The following SLIT3 variants were observed in gnomAD, a reference collection of about 807,000 sequenced individuals.
The protein encoded by SLIT3 is slit guidance ligand 3.
In SLIT3, 68 loss-of-function variants were observed where a neutral mutation model predicts 184.0. The ratio of observed to expected loss-of-function variants is 0.37; its 90% CI spans 0.30 to 0.45. SLIT3 has a LOEUF of 0.45. Ranked by LOEUF, SLIT3 falls within the 20% of genes least tolerant of loss-of-function variation. The pLI, the probability that SLIT3 is intolerant of heterozygous loss-of-function variation, is 1.00. For missense variants in SLIT3, 1,707 were observed against 2,026.0 expected (o/e 0.84, Z 3.02); for synonymous variants, 831 against 828.6 (o/e 1.00, Z -0.05).
intron 4 of SLIT3, among the ~76,000 whole-genome samples, chr5:169,166,896 C>T (rs1034439918): frequency 3.9e-5 from 6 of 152,248 alleles, no homozygotes; most frequent in South Asian, 2.1e-4. Flanking sequence ...CCATGCACGG[C>T]GGCTCACGCC....
Position 169,300,900 on chromosome 5 carries a change from G to C in SLIT3, c.-191C>G, listed in dbSNP as rs1346231620. 3.2e-6 allele frequency: 1 copy of C among 314,426 alleles called. No homozygotes were observed. Among genetic ancestry groups the C allele is most frequent in the Non-Finnish European group, 5.4e-6 (1 of 183,644 alleles). 19.5% of individuals were successfully genotyped at this position (314,426 alleles called of 1,614,324 possible). A position where few individuals can be genotyped will look rare whatever the true frequency, so the allele number is the denominator to read the frequency against. ...GGCGCTCCGGGCGGCGGCGGCGGCA[G>C]CAACAGCAGCTCCATCGGCGGGGCC... On this transcript the variant is annotated 5_prime_UTR_variant, in exon 1 of 36. Coordinates refer to ENST00000519560, the MANE Select transcript of SLIT3 (RefSeq NM_003062.4). The surrounding 1 kb of genome is among the most constrained non-coding windows in gnomAD (Gnocchi z 4.1).
At chr5:169,265,697 T>C (rs1766372022) in intron 1 of SLIT3, among the ~76,000 whole-genome samples, 1 of 152,212 alleles carries the variant, frequency 6.6e-6, no homozygotes, top group African/African-American at 2.4e-5. Context: ...CCTCCTAGGA[T>C]ACTGCAAGAA....
chr5:169,115,263 C>A (rs1451100798), intron 4 of SLIT3, among the ~76,000 whole-genome samples: 4 of 152,120 alleles, frequency 2.6e-5, no homozygotes, highest in African/African-American at 9.7e-5. Flanking sequence ...AGCTTGGAAG[C>A]TTTTCTTCCC....
intron 5 of SLIT3, among the ~76,000 whole-genome samples, chr5:168,875,051 GGAAGAAAGGAAGGAAA>G (rs982169573): frequency 2.1e-5 from 3 of 143,144 alleles, no homozygotes; most frequent in Non-Finnish European, 4.7e-5. Context: ...AAGGAAGAGT[GGAAGAAAGGAAGGAAA>G]GAAGGGAGGA....
intron 4 of SLIT3, among the ~76,000 whole-genome samples, chr5:169,003,738 T>C (rs1209714511): frequency 6.6e-6 from 1 of 152,242 alleles, no homozygotes; most frequent in East Asian, 1.9e-4. Flanking sequence ...TCTCTTTTTT[T>C]CCTTAAGGCT....
chr5:168,877,090 G>A (rs1428973990), intron 5 of SLIT3, among the ~76,000 whole-genome samples: 1 of 152,196 alleles, frequency 6.6e-6, no homozygotes, highest in African/African-American at 2.4e-5. Context: ...GATTGAAACA[G>A]GCAGGATATC....
At chr5:169,226,887 T>C (rs1764831724) in intron 3 of SLIT3, among the ~76,000 whole-genome samples, 1 of 152,098 alleles carries the variant, frequency 6.6e-6, no homozygotes, top group Non-Finnish European at 1.5e-5. Flanking sequence ...GCGGGTATTT[T>C]AACATCTGCA....
intron 4 of SLIT3, among the ~76,000 whole-genome samples, chr5:168,948,387 T>C (rs557156826): frequency 3.3e-5 from 5 of 152,122 alleles, no homozygotes; most frequent in African/African-American, 1.2e-4. Flanking sequence ...TTAGGTGTCA[T>C]GTGATTTAGG....
At chr5:169,293,808 C>G (rs1200528094) in intron 1 of SLIT3, among the ~76,000 whole-genome samples, 1 of 152,216 alleles carries the variant, frequency 6.6e-6, no homozygotes. Context: ...GTACTGACAA[C>G]ACAACTATGA....
At chr5:168,748,542 C>A in intron 19 of SLIT3, 108 bp from the exon 20 acceptor site, 12 of 1,133,668 alleles carry the variant, frequency 1.1e-5, no homozygotes, top group Non-Finnish European at 7.1e-6. Context: ...TCCCCTGTCC[C>A]CGCTGTGTTC....
intron 5 of SLIT3, among the ~76,000 whole-genome samples, chr5:168,868,428 C>T (rs756261781): frequency 1.3e-5 from 2 of 152,134 alleles, no homozygotes; most frequent in African/African-American, 4.8e-5. Context: ...GCAGCTGGAA[C>T]TATAGGTTCA....
intron 4 of SLIT3, among the ~76,000 whole-genome samples, chr5:168,924,745 T>C (rs1052933116): frequency 1.3e-5 from 2 of 152,144 alleles, no homozygotes; most frequent in African/African-American, 2.4e-5. Flanking sequence ...ACTTCTGAGC[T>C]CAAGCAATCT....
At chr5:168,986,377 AC>A (rs755078396) in intron 4 of SLIT3, among the ~76,000 whole-genome samples, 3,559 of 151,222 alleles carry the variant, frequency 0.024, 57 homozygotes, top group Non-Finnish European at 0.035. Flanking sequence ...AAATATTTGG[AC>A]GGTGGCGCCC....
At chr5:169,081,983 C>T (rs1308395047) in intron 4 of SLIT3, among the ~76,000 whole-genome samples, 1 of 152,180 alleles carries the variant, frequency 6.6e-6, no homozygotes, top group Non-Finnish European at 1.5e-5. Context: ...AGCCTGACTC[C>T]AGACCCCCCC....
intron 4 of SLIT3, among the ~76,000 whole-genome samples, chr5:169,128,250 TTA>T (rs924655753): frequency 6.8e-5 from 10 of 146,798 alleles, no homozygotes; most frequent in African/African-American, 2.0e-4. Context: ...ACACACACAT[TTA>T]TATATATATA....
intron 4 of SLIT3, among the ~76,000 whole-genome samples, chr5:169,078,008 G>C (rs1042483060): frequency 6.6e-6 from 1 of 152,122 alleles, no homozygotes; most frequent in African/African-American, 2.4e-5. Context: ...ACAGGATCAA[G>C]ATTCAGCTTG....
At chr5:169,151,776 A>C (rs1330055438) in intron 4 of SLIT3, among the ~76,000 whole-genome samples, 2 of 152,226 alleles carry the variant, frequency 1.3e-5, no homozygotes, top group African/African-American at 4.8e-5. Context: ...GTAAGTGGGC[A>C]CATCCCTCAG....
chr5:168,821,222 C>T (rs374133069), intron 7 of SLIT3, among the ~76,000 whole-genome samples: 1 of 152,188 alleles, frequency 6.6e-6, no homozygotes, highest in East Asian at 1.9e-4. Flanking sequence ...AACAAAGTAC[C>T]CCAGATCCAG....
intron 6 of SLIT3, among the ~76,000 whole-genome samples, chr5:168,841,525 C>A (rs986991505): frequency 6.6e-6 from 1 of 152,190 alleles, no homozygotes; most frequent in Non-Finnish European, 1.5e-5. Context: ...CATCCCCCAT[C>A]GGGAATGAGT....
Sources: gnomAD v4.1 joint callset for allele counts (sites outside exome capture counted in the v4.1 genomes callset) on GRCh38, gnomAD v4.1.1 for gene constraint, Gnocchi (gnomAD v3.1) non-coding constraint, MANE v1.5 for transcripts, NCBI Gene and HGNC (gene_info 2026-07-23, HGNC 2026-07-21) for gene names.